NELFB: variants seen among roughly 807,000 people sequenced by gnomAD.
NELFB encodes the protein negative elongation factor complex member B, also known as negative elongation factor B.
A neutral mutation model predicts 60.2 loss-of-function variants in NELFB; 34 were observed. That is an observed-to-expected ratio of 0.56 (90% CI 0.43 to 0.75). NELFB has a LOEUF of 0.75. Among genes scored for constraint, NELFB ranks in the 30% least tolerant of loss-of-function variants. NELFB has a pLI of 0.00. For synonymous variants in NELFB, 459 were observed against 382.1 expected (o/e 1.20, Z -2.35); for missense variants, 770 against 831.6 (o/e 0.93, Z 0.91).
In NELFB at chr9:137,255,917, G is replaced by C. The variant is rs1205771561; in HGVS notation, c.257G>C (p.Gly86Ala). 6.2e-6 allele frequency: 10 copies of C among 1,614,006 alleles called. No homozygotes were observed. The highest frequency in any genetic ancestry group is 6.8e-6 in the Non-Finnish European group (8 of 1,180,006). The change falls in exon 2 of 13, where the codon GGT becomes GCT. Residue 86 changes from glycine (G) to alanine (A), a missense_variant. Physicochemically the swap from Gly to Ala is moderately conservative, Grantham distance 60. Transcript: ENST00000343053. ...TCTTGGCTTCCTCAGACAGAGAATG[G>C]TGTGCTGCTGCCATCTCTTCAGTCA...
chr9:137,256,629 G>A (rs1268325477), intron 3 of NELFB, among the ~76,000 whole-genome samples, 195 bp from the exon 4 acceptor site: 1 of 152,212 alleles, frequency 6.6e-6, no homozygotes, highest in Non-Finnish European at 1.5e-5. Flanking sequence ...TAGGGTGTGG[G>A]GCCCCTCCTG....
At chr9:137,262,798 C>T (rs72502729) in intron 4 of NELFB, among the ~76,000 whole-genome samples, 18,700 of 151,812 alleles carry the variant, frequency 0.12, 1,575 homozygotes, top group East Asian at 0.48. Context: ...GCAGTGCACT[C>T]GAGCCTGGGC....
At chr9:137,259,953 A>G (rs1265389220) in intron 4 of NELFB, among the ~76,000 whole-genome samples, 4 of 150,894 alleles carry the variant, frequency 2.7e-5, no homozygotes, top group Admixed American at 6.6e-5. Context: ...GATGGTCTCA[A>G]TCTCCTGACC....
intron 3 of NELFB, 53 bp from the exon 4 acceptor site, chr9:137,256,771 A>C (rs1011546314): frequency 5.7e-6 from 9 of 1,571,886 alleles, no homozygotes; most frequent in Non-Finnish European, 7.8e-6. Context: ...CTTGTCTTGA[A>C]GGAGACCCAG....
rs372044179 is a variant in NELFB at position 137,264,271 on chromosome 9, C to T, written c.954C>T (p.Ile318=). The T allele has an allele frequency of 1.9e-6, 3 of 1,600,490 alleles. No individual in the cohort carries two copies. The African/African-American group carries it at 4.0e-5, about 21-fold the overall frequency. Residue 318 remains isoleucine (I), a synonymous_variant, in exon 6 of 13, where the codon ATC becomes ATT. Transcript: ENST00000343053. Reference sequence around the variant, plus strand: ...TCACCTGGTGCCTGGACGCCTGCATCCGAGAGCGGTTCGTGGACAGCAAGA... The same window carrying T: ...TCACCTGGTGCCTGGACGCCTGCATTCGAGAGCGGTTCGTGGACAGCAAGA...
In NELFB at chr9:137,255,498, G is replaced by A; in HGVS notation, c.133G>A (p.Gly45Arg). ...TGGGGCGCCTAGCCGGGCGGTGGCCGGGGCCTCGGCCATGTTCGCGGGGCT... is the reference window on the plus strand; with the variant it reads ...TGGGGCGCCTAGCCGGGCGGTGGCCAGGGCCTCGGCCATGTTCGCGGGGCT... The change falls in exon 1 of 13, where the codon GGG (glycine) becomes AGG (arginine). Residue 45 changes from glycine (G) to arginine (R), a missense_variant. Physicochemically the swap from Gly to Arg is moderately radical, Grantham distance 125. Coordinates refer to ENST00000343053, the MANE Select transcript of NELFB (RefSeq NM_015456.5). 7 of 1,526,260 alleles carry A rather than the reference G, an allele frequency of 4.6e-6. No homozygotes were observed. Among genetic ancestry groups the A allele is most frequent in the East Asian group, 2.7e-5 (1 of 37,652 alleles). 94.5% of individuals were successfully genotyped at this position (1,526,260 alleles called of 1,614,324 possible).
chr9:137,255,862 C>T, intron 1 of NELFB, 45 bp from the exon 2 acceptor site: 2 of 1,601,326 alleles, frequency 1.2e-6, no homozygotes, highest in Non-Finnish European at 1.7e-6. Context: ...CTCGGGGTGC[C>T]CGGGCGCACT....
In NELFB at chr9:137,259,900, A is replaced by AT. The variant is rs1188166723; in HGVS notation, c.741+2857dup. Among the ~76,000 whole-genome samples the AT allele has an allele frequency of 2.1e-3, 271 of 129,226 alleles. 3 individuals are homozygous for AT. Among genetic ancestry groups the AT allele is most frequent in the Middle Eastern group, 0.014 (3 of 222 alleles). 84.8% of individuals were successfully genotyped at this position (129,226 alleles called of 152,430 possible). ...CCACCATGCCCGGCTAATTTTTTGT[A>AT]TTTTTTTTTTTAGTAGAGACGGGGT... On this transcript the variant is annotated intron_variant, in intron 4 of 12. Transcript: ENST00000343053.
chr9:137,264,279 G>A lies in NELFB; in HGVS notation c.962G>A (p.Arg321Gln), dbSNP rs922282419. Residue 321 changes from arginine (R) to glutamine (Q), a missense_variant, in exon 6 of 13, where the codon CGG becomes CAG. Physicochemically the swap from Arg to Gln is conservative, Grantham distance 43. Coordinates refer to ENST00000343053, the MANE Select transcript of NELFB (RefSeq NM_015456.5). ...TGCCTGGACGCCTGCATCCGAGAGCGGTTCGTGGACAGCAAGAGGGCGCGG... is the reference window on the plus strand; with the variant it reads ...TGCCTGGACGCCTGCATCCGAGAGCAGTTCGTGGACAGCAAGAGGGCGCGG... The A allele has an allele frequency of 8.1e-6, 13 of 1,603,490 alleles. No individual in the cohort carries two copies. Among genetic ancestry groups the A allele is most frequent in the South Asian group, 1.1e-5 (1 of 88,672 alleles).
chr9:137,271,962 C>A (rs940190033), intron 10 of NELFB, 119 bp from the exon 11 acceptor site: 4 of 1,300,650 alleles, frequency 3.1e-6, no homozygotes, highest in South Asian at 1.3e-5. Context: ...CATCTCAGAA[C>A]AACTGAGAAC....
chr9:137,260,743 G>A (rs565803483), intron 4 of NELFB, among the ~76,000 whole-genome samples: 20 of 151,788 alleles, frequency 1.3e-4, no homozygotes, highest in Non-Finnish European at 2.5e-4. Context: ...GTGAGCCACC[G>A]TGCCCAGCCC....
chr9:137,267,794 G>A (rs903620490), intron 10 of NELFB, among the ~76,000 whole-genome samples: 18 of 152,160 alleles, frequency 1.2e-4, no homozygotes, highest in East Asian at 3.9e-4. Context: ...TCCCAGCCTC[G>A]TTTTCACTTT....
rs189135558 is a variant in NELFB at position 137,271,606 on chromosome 9, T to C, written c.1490-475T>C. 9.2e-5 allele frequency among the ~76,000 whole-genome samples: 14 copies of C among 152,382 alleles called. No individual in the cohort carries two copies. The East Asian group carries it at 2.5e-3, about 27-fold the overall frequency. ...CAGAAAAGAATGTGGAAGAGTTTCG[T>C]TCTCTTTCCTGTGGTTCAGTGTAGC... On this transcript the variant is annotated intron_variant, in intron 10 of 12. Coordinates refer to ENST00000343053, the MANE Select transcript of NELFB (RefSeq NM_015456.5).
At chr9:137,263,246 C>T in intron 5 of NELFB, 24 bp downstream of exon 5, 1 of 1,588,750 alleles carries the variant, frequency 6.3e-7, no homozygotes, top group Admixed American at 1.7e-5. Flanking sequence ...CCCTCCTTCC[C>T]CCCTACCCTC....
chr9:137,271,936 G>A (rs1830588723), intron 10 of NELFB, 145 bp from the exon 11 acceptor site: 4 of 1,052,932 alleles, frequency 3.8e-6, no homozygotes, highest in Admixed American at 2.3e-5. Flanking sequence ...TTCACCTGCT[G>A]AGACCCTGTG....
intron 3 of NELFB, 100 bp from the exon 4 acceptor site, chr9:137,256,724 A>G (rs890974604): frequency 7.2e-6 from 8 of 1,105,296 alleles, no homozygotes; most frequent in African/African-American, 1.6e-5. Flanking sequence ...GGTGGAGCTT[A>G]GCTCGAGGTG....
At chr9:137,267,116 T>G in intron 9 of NELFB, 30 bp downstream of exon 9, 2 of 1,613,162 alleles carry the variant, frequency 1.2e-6, no homozygotes, top group Non-Finnish European at 1.7e-6. Context: ...GGTGCAGGGG[T>G]GGCCGTGGCG....
chr9:137,267,359 G>T lies in NELFB; in HGVS notation c.1489+13G>T. 6.3e-7 allele frequency: 1 copy of T among 1,592,228 alleles called. No individual in the cohort carries two copies. Among genetic ancestry groups the T allele is most frequent in the South Asian group, 1.1e-5 (1 of 88,484 alleles). Reference sequence around the variant, plus strand: ...CTGCCCGGGCTGGGTAAGTCCTGACGGGCGGTGCCTGGCTGTGTCTTCCCT... The same window carrying T: ...CTGCCCGGGCTGGGTAAGTCCTGACTGGCGGTGCCTGGCTGTGTCTTCCCT... On this transcript the variant is annotated intron_variant, in intron 10 of 12. Transcript: ENST00000343053.
At position 137,266,940 on chromosome 9, in the gene NELFB, G is replaced by T. The variant is rs200497746; in HGVS notation, c.1240-4G>T. 1 of 1,612,782 alleles carries T rather than the reference G, an allele frequency of 6.2e-7. No homozygotes were observed. Among genetic ancestry groups the T allele is most frequent in the Non-Finnish European group, 8.5e-7 (1 of 1,179,852 alleles). ...CGCCCGCTCATGGCCTCCCCTCCTCGTAGGAGGTAGAGCTCATCACCAGGT... is the reference window on the plus strand; with the variant it reads ...CGCCCGCTCATGGCCTCCCCTCCTCTTAGGAGGTAGAGCTCATCACCAGGT... On this transcript the variant is annotated splice_region_variant and splice_polypyrimidine_tract_variant and intron_variant, in intron 8 of 12. Transcript: ENST00000343053.
Sources: gnomAD v4.1 joint callset for allele counts (sites outside exome capture counted in the v4.1 genomes callset) on GRCh38, gnomAD v4.1.1 for gene constraint, MANE v1.5 for transcripts, NCBI Gene and HGNC (gene_info 2026-07-23, HGNC 2026-07-21) for gene names.